MRE11: variants seen among roughly 807,000 people sequenced by gnomAD.
MRE11 encodes the protein double-strand break repair protein MRE11.
Under a neutral mutation model 91.7 loss-of-function variants are expected in MRE11, and 62 were observed. The ratio of observed to expected loss-of-function variants is 0.68; its 90% CI spans 0.55 to 0.84. The LOEUF (loss-of-function observed/expected upper bound fraction) is 0.84, where lower values mean the gene tolerates loss of function less well. Among genes scored for constraint, MRE11 ranks in the 40% least tolerant of loss-of-function variants. MRE11 has a pLI of 0.00. For synonymous variants in MRE11, 273 were observed against 271.4 expected, an observed-to-expected ratio of 1.01 and a Z score of -0.06; for missense variants, 796 against 852.9, an observed-to-expected ratio of 0.93 and a Z score of 0.83.
In MRE11 at chr11:94,419,685, G is replaced by A. The variant is rs1945118235; in HGVS notation, c.*440C>T. The A allele has an allele frequency of 4.2e-6, 1 of 236,332 alleles. No homozygotes were observed. Among genetic ancestry groups the A allele is most frequent in the East Asian group, 6.0e-5 (1 of 16,610 alleles). 14.6% of individuals were successfully genotyped at this position (236,332 alleles called of 1,614,324 possible). ...ATCATTTAGTCTTATAAGAAGCATT[G>A]GAAAAAAACATACATAGTAACAAAC... On this transcript the variant is annotated 3_prime_UTR_variant, in exon 20 of 20. Coordinates refer to ENST00000323929, the MANE Select transcript of MRE11 (RefSeq NM_005591.4).
At chr11:94,429,376 T>G (rs1217045920) in intron 19 of MRE11, among the ~76,000 whole-genome samples, 1 of 152,142 alleles carries the variant, frequency 6.6e-6, no homozygotes, top group Non-Finnish European at 1.5e-5. Context: ...AAAAGACACA[T>G]ACACTCATGT....
intron 18 of MRE11, 92 bp from the exon 19 acceptor site, chr11:94,430,078 C>A: frequency 8.5e-7 from 1 of 1,172,484 alleles, no homozygotes; most frequent in East Asian, 2.4e-5. Context: ...CAGCAGCTGC[C>A]ACGAATATAA....
intron 16 of MRE11, among the ~76,000 whole-genome samples, chr11:94,443,862 T>C (rs910013376): frequency 6.6e-6 from 1 of 151,388 alleles, no homozygotes; most frequent in African/African-American, 2.4e-5. Context: ...ATAATCTACA[T>C]AAAGATCTGA....
chr11:94,498,672 C>T, upstream of MRE11: 1 of 716,688 alleles, frequency 1.4e-6, no homozygotes, highest in South Asian at 2.0e-5. Context: ...AAGTGAATTG[C>T]CTGACTTTGA....
rs12291000 is a variant in MRE11 at position 94,471,307 on chromosome 11, C to A, written c.845+267G>T. On this transcript the variant is annotated intron_variant, in intron 8 of 19. Transcript: ENST00000323929. The stretch of plus-strand genomic sequence containing the variant: ...AGTAATCATCAACCTAAAACATCTA[C>A]CTTGAAATATAATAAAAATGTGCAT... 7.4e-3 allele frequency among the ~76,000 whole-genome samples: 1,125 copies of A among 151,978 alleles called. 12 individuals are homozygous for A. The highest frequency in any genetic ancestry group is 0.025 in the African/African-American group (1,029 of 41,492).
At chr11:94,430,201 G>A (rs1477407721) in intron 18 of MRE11, among the ~76,000 whole-genome samples, 1 of 152,166 alleles carries the variant, frequency 6.6e-6, no homozygotes, top group Non-Finnish European at 1.5e-5. Flanking sequence ...TACCTATGTG[G>A]CTTTGAGCAA....
Position 94,418,981 on chromosome 11 carries a change from T to G in MRE11, c.*1144A>C. ...GTATTTGTTTCTACCTATGAAGAAA[T>G]GTCGGGCCATTGTACTCCCAAGATG... On this transcript the variant is annotated 3_prime_UTR_variant, in exon 20 of 20. Coordinates refer to ENST00000323929, the MANE Select transcript of MRE11 (RefSeq NM_005591.4). 1 of 231,318 alleles carries G rather than the reference T, an allele frequency of 4.3e-6. No individual in the cohort carries two copies. The highest frequency in any genetic ancestry group is 8.6e-6 in the Non-Finnish European group (1 of 116,922). 14.3% of individuals were successfully genotyped at this position (231,318 alleles called of 1,614,324 possible).
intron 16 of MRE11, among the ~76,000 whole-genome samples, chr11:94,445,460 C>T (rs1384670806): frequency 1.3e-5 from 2 of 152,268 alleles, no homozygotes; most frequent in Non-Finnish European, 2.9e-5. Flanking sequence ...CAGGCATGTG[C>T]CACCACGCCT....
At chr11:94,482,052 A>G (rs1163649437) in intron 4 of MRE11, among the ~76,000 whole-genome samples, 1 of 152,236 alleles carries the variant, frequency 6.6e-6, no homozygotes, top group Non-Finnish European at 1.5e-5. Context: ...CTGAAAAACA[A>G]TATTACATTA....
At chr11:94,433,542 C>T (rs1038483137) in intron 18 of MRE11, among the ~76,000 whole-genome samples, 159 of 152,284 alleles carry the variant, frequency 1.0e-3, no homozygotes, top group African/African-American at 3.5e-3. Context: ...TTGTAGCTCT[C>T]GTAACTCCTA....
At chr11:94,457,887 T>TCTCTCTCTCACACACA (rs372404360) in intron 13 of MRE11, among the ~76,000 whole-genome samples, 1 of 144,220 alleles carries the variant, frequency 6.9e-6, no homozygotes, top group African/African-American at 2.6e-5. Context: ...TCTCTCTCTC[T>TCTCTCTCTCACACACA]CACACACACA....
At chr11:94,455,717 T>C (rs973480431) in intron 14 of MRE11, among the ~76,000 whole-genome samples, 2 of 152,212 alleles carry the variant, frequency 1.3e-5, no homozygotes, top group South Asian at 4.1e-4. Context: ...TGCTTACTTA[T>C]GGTTAACATT....
chr11:94,444,056 G>A (rs966588814), intron 16 of MRE11, among the ~76,000 whole-genome samples: 2 of 151,282 alleles, frequency 1.3e-5, no homozygotes, highest in East Asian at 3.9e-4. Context: ...ACAGGTGCAC[G>A]CCGCCCTGCC....
At chr11:94,425,917 A>G (rs1314153983) in intron 19 of MRE11, among the ~76,000 whole-genome samples, 1 of 152,246 alleles carries the variant, frequency 6.6e-6, no homozygotes, top group Non-Finnish European at 1.5e-5. Context: ...AGTGTTAGAA[A>G]GAACATCCAG....
chr11:94,436,237 G>A (rs952818795), intron 17 of MRE11, among the ~76,000 whole-genome samples: 5 of 152,106 alleles, frequency 3.3e-5, no homozygotes, highest in Non-Finnish European at 7.4e-5. Flanking sequence ...GACCATCAGT[G>A]TTCCATCTCC....
chr11:94,447,720 G>A (rs887680770), intron 14 of MRE11, among the ~76,000 whole-genome samples: 9 of 148,648 alleles, frequency 6.1e-5, no homozygotes, highest in East Asian at 2.0e-4. Flanking sequence ...CTGTAGTCCC[G>A]AGCTACACAG....
At chr11:94,504,338 C>T in the MRE11 span, among the ~76,000 whole-genome samples, 105 of 152,262 alleles carry the variant, frequency 6.9e-4, no homozygotes, top group African/African-American at 2.4e-3. Context: ...AAGATGACCT[C>T]ATCCTCAAAT....
intron 4 of MRE11, among the ~76,000 whole-genome samples, chr11:94,482,767 CT>C (rs1188960796): frequency 6.6e-6 from 1 of 152,062 alleles, no homozygotes; most frequent in East Asian, 1.9e-4. Flanking sequence ...AACCCCGTCT[CT>C]ACTAAAAACG....
At chr11:94,441,930 A>G (rs945129093) in intron 16 of MRE11, among the ~76,000 whole-genome samples, 2 of 145,848 alleles carry the variant, frequency 1.4e-5, no homozygotes, top group African/African-American at 5.1e-5. Flanking sequence ...GTGAGCCAAG[A>G]TGATGCCACT....
Sources: gnomAD v4.1 joint callset for allele counts (sites outside exome capture counted in the v4.1 genomes callset) on GRCh38, gnomAD v4.1.1 for gene constraint, MANE v1.5 for transcripts, NCBI Gene and HGNC (gene_info 2026-07-23, HGNC 2026-07-21) for gene names.